Variants in SLC8A1 observed in about 807,000 individuals in gnomAD.
SLC8A1 encodes solute carrier family 8 member A1.
SLC8A1 carries 18 observed loss-of-function variants against 68.3 expected under a neutral mutation model. The ratio of observed to expected loss-of-function variants is 0.26; its 90% CI spans 0.18 to 0.39. The LOEUF is 0.39. SLC8A1 is among the 10% of genes least tolerant of loss of function. SLC8A1 has a pLI of 1.00. For synonymous variants in SLC8A1, 475 were observed against 415.5 expected (o/e 1.14, Z -1.74); for missense variants, 985 against 1,156.7 (o/e 0.85, Z 2.15).
At chr2:40,345,410 G>A (rs969984017) in intron 2 of SLC8A1, among the ~76,000 whole-genome samples, 2 of 152,072 alleles carry the variant, frequency 1.3e-5, no homozygotes, top group African/African-American at 4.8e-5. Context: ...CACATGTAGG[G>A]AAGCAGTCAG....
intron 3 of SLC8A1, among the ~76,000 whole-genome samples, chr2:40,176,453 C>T (rs903344781): frequency 2.2e-4 from 33 of 152,100 alleles, no homozygotes; most frequent in Admixed American, 1.8e-3. Flanking sequence ...TTTTGGATCC[C>T]ATCTTTTAAG....
At chr2:40,353,243 G>A (rs916712026) in intron 2 of SLC8A1, among the ~76,000 whole-genome samples, 2 of 152,116 alleles carry the variant, frequency 1.3e-5, no homozygotes, top group African/African-American at 4.8e-5. Flanking sequence ...TGTGCTTGCT[G>A]TCATAACCAT....
chr2:40,430,936 C>T (rs1698142512), intron 1 of SLC8A1, among the ~76,000 whole-genome samples: 1 of 152,168 alleles, frequency 6.6e-6, no homozygotes, highest in African/African-American at 2.4e-5. Flanking sequence ...TCAAGCTTGC[C>T]TGAAATCAAA....
chr2:40,365,013 A>G (rs977690240), intron 2 of SLC8A1, among the ~76,000 whole-genome samples: 5 of 152,056 alleles, frequency 3.3e-5, no homozygotes, highest in African/African-American at 1.2e-4. Flanking sequence ...GAGTTATTTT[A>G]TGGTATTATT....
In SLC8A1 at chr2:40,162,388, C is replaced by T. The variant is rs149315224; in HGVS notation, c.2062-1524G>A. 1.4e-4 allele frequency among the ~76,000 whole-genome samples: 21 copies of T among 152,342 alleles called. No individual in the cohort carries two copies. In the South Asian group the frequency reaches 3.7e-3, roughly 27 times the overall value. On this transcript the variant is annotated intron_variant, in intron 5 of 7. Coordinates refer to ENST00000406785, the Ensembl canonical transcript of SLC8A1. Reference sequence around the variant, plus strand: ...AATGTAGTGGAAACTTGGGACAGTTCTCTCCAAAGAGGCACTCTGTGCTGA... The same window carrying T: ...AATGTAGTGGAAACTTGGGACAGTTTTCTCCAAAGAGGCACTCTGTGCTGA...
chr2:40,476,793 C>T (rs1015864156), intron 1 of SLC8A1, among the ~76,000 whole-genome samples: 2 of 152,038 alleles, frequency 1.3e-5, no homozygotes, highest in Admixed American at 6.6e-5. Flanking sequence ...GAAGTCATTC[C>T]AATTTTATGA....
intron 2 of SLC8A1, among the ~76,000 whole-genome samples, chr2:40,414,319 C>T (rs965699954): frequency 6.6e-6 from 1 of 152,288 alleles, no homozygotes; most frequent in African/African-American, 2.4e-5. Flanking sequence ...TACACATCTG[C>T]AGCCATATAT....
At chr2:40,361,435 AT>A (rs66490324) in intron 2 of SLC8A1, among the ~76,000 whole-genome samples, 22,411 of 150,592 alleles carry the variant, frequency 0.15, 2,883 homozygotes, top group African/African-American at 0.36. Context: ...TAAAATTGTT[AT>A]GCACATTAGT....
chr2:40,182,028 G>A (rs917473533), intron 2 of SLC8A1, among the ~76,000 whole-genome samples: 1 of 152,118 alleles, frequency 6.6e-6, no homozygotes, highest in Non-Finnish European at 1.5e-5. Flanking sequence ...CCTCCAGTTG[G>A]CCCCATTGCC....
chr2:40,119,639 G>A (rs1270452564), intron 7 of SLC8A1, among the ~76,000 whole-genome samples: 3 of 152,148 alleles, frequency 2.0e-5, no homozygotes, highest in East Asian at 3.9e-4. Flanking sequence ...ATATTCAGAG[G>A]TTGGCCCATT....
At chr2:40,131,771 G>T (rs1409686540) in intron 7 of SLC8A1, among the ~76,000 whole-genome samples, 2 of 151,788 alleles carry the variant, frequency 1.3e-5, no homozygotes, top group South Asian at 2.1e-4. Context: ...GCTGTGTTTG[G>T]TCTAGCTCGG....
intron 1 of SLC8A1, among the ~76,000 whole-genome samples, chr2:40,510,642 A>G (rs1706661068): frequency 6.6e-6 from 1 of 152,144 alleles, no homozygotes; most frequent in South Asian, 2.1e-4. Flanking sequence ...CACTTTAGCA[A>G]AAGTTATGAC....
chr2:40,475,193 G>C (rs1704207924), intron 1 of SLC8A1, among the ~76,000 whole-genome samples: 1 of 152,092 alleles, frequency 6.6e-6, no homozygotes, highest in African/African-American at 2.4e-5. Context: ...GAGTGCAGTA[G>C]CGTGATCTCT....
intron 2 of SLC8A1, among the ~76,000 whole-genome samples, chr2:40,317,057 A>G (rs1181338657): frequency 6.6e-6 from 1 of 152,062 alleles, no homozygotes; most frequent in African/African-American, 2.4e-5. Flanking sequence ...AACTAATAGC[A>G]TTCAGTTTTA....
intron 7 of SLC8A1, among the ~76,000 whole-genome samples, chr2:40,131,168 G>A (rs1274507099): frequency 6.6e-6 from 1 of 152,146 alleles, no homozygotes; most frequent in African/African-American, 2.4e-5. Context: ...TGGCTTAGAG[G>A]AGTTAAGCAA....
chr2:40,236,619 A>T (rs987585190), intron 2 of SLC8A1, among the ~76,000 whole-genome samples: 2 of 151,252 alleles, frequency 1.3e-5, no homozygotes, highest in East Asian at 1.9e-4. Flanking sequence ...TAATATTGTT[A>T]TGTGTGAATT....
At position 40,429,135 on chromosome 2, in the gene SLC8A1, A is replaced by G. The variant is rs878899243; in HGVS notation, c.1146T>C (p.His382=). 3 of 1,613,056 alleles carry G rather than the reference A, an allele frequency of 1.9e-6. No homozygotes were observed. The African/African-American group carries it at 4.0e-5, about 22-fold the overall frequency. Reference sequence around the variant, plus strand: ...CAGCCTTCCTTGCTTGGTCAGCTGCATGCCTCTTTAAAATGTTGCCAGCTC... The same window carrying G: ...CAGCCTTCCTTGCTTGGTCAGCTGCGTGCCTCTTTAAAATGTTGCCAGCTC... The change falls in exon 2 of 8, where the codon CAT becomes CAC. Residue 382 remains histidine, a synonymous_variant. Transcript: ENST00000406785.
At chr2:40,412,159 T>C (rs1692341880) in intron 2 of SLC8A1, among the ~76,000 whole-genome samples, 1 of 152,130 alleles carries the variant, frequency 6.6e-6, no homozygotes, top group South Asian at 2.1e-4. Flanking sequence ...CTCTTCATGT[T>C]ACACAGGCTG....
At chr2:40,231,865 C>G (rs2059691276) in intron 2 of SLC8A1, among the ~76,000 whole-genome samples, 1 of 152,070 alleles carries the variant, frequency 6.6e-6, no homozygotes. Context: ...ATCAATCTAG[C>G]CTAGGTTAGG....
Sources: allele counts gnomAD v4.1 joint callset (sites outside exome capture counted in the v4.1 genomes callset), GRCh38; gene constraint gnomAD v4.1.1; transcripts MANE v1.5; gene names NCBI Gene and HGNC (gene_info 2026-07-23, HGNC 2026-07-21).